ENDOD1: variants seen among roughly 807,000 people sequenced by gnomAD.
ENDOD1 encodes endonuclease domain containing 1, also known as endonuclease domain-containing 1 protein.
Under a neutral mutation model 6.5 loss-of-function variants are expected in ENDOD1, and 9 were observed. That is an observed-to-expected ratio of 1.39 (90% confidence interval 0.84 to 2.43). The LOEUF (loss-of-function observed/expected upper bound fraction) is 2.43. Among genes scored for constraint, ENDOD1 ranks in the 30% most tolerant of loss-of-function variants. The pLI, the probability that ENDOD1 is intolerant of heterozygous loss-of-function variation, is 0.00. For synonymous variants in ENDOD1, 255 were observed against 255.2 expected, an observed-to-expected ratio of 1.00 and a Z score of 0.01; for missense variants, 648 against 635.5, an observed-to-expected ratio of 1.02 and a Z score of -0.21.
intron 1 of ENDOD1, among the ~76,000 whole-genome samples, chr11:95,099,431 T>C (rs1452928434): frequency 6.6e-6 from 1 of 151,826 alleles, no homozygotes; most frequent in Non-Finnish European, 1.5e-5. Flanking sequence ...TCCCTAGGGG[T>C]GGGAAGGAGG....
chr11:95,106,721 G>A (rs1555111431), intron 1 of ENDOD1, among the ~76,000 whole-genome samples: 1 of 152,026 alleles, frequency 6.6e-6, no homozygotes, highest in Non-Finnish European at 1.5e-5. Flanking sequence ...GCGATTTGTG[G>A]ATAATTCCTC....
At chr11:95,119,973 G>A (rs1253319969) in intron 1 of ENDOD1, among the ~76,000 whole-genome samples, 2 of 152,232 alleles carry the variant, frequency 1.3e-5, no homozygotes, top group South Asian at 2.1e-4. Context: ...CTTTCAGGGA[G>A]TACTGCCAGA....
chr11:95,106,364 A>C (rs549179661), intron 1 of ENDOD1, among the ~76,000 whole-genome samples: 30 of 152,274 alleles, frequency 2.0e-4, no homozygotes, highest in Admixed American at 2.0e-3. Context: ...GCGCATTTAC[A>C]TTACAGCCAT....
chr11:95,120,242 C>T (rs1338524177), intron 1 of ENDOD1, among the ~76,000 whole-genome samples: 1 of 152,042 alleles, frequency 6.6e-6, no homozygotes, highest in Admixed American at 6.5e-5. Context: ...AAGTCTGTCC[C>T]TGTAGCCACC....
At chr11:95,125,847 T>C (rs1241818363) in intron 1 of ENDOD1, among the ~76,000 whole-genome samples, 2 of 152,206 alleles carry the variant, frequency 1.3e-5, no homozygotes, top group Admixed American at 1.3e-4. Flanking sequence ...CTATCACTGT[T>C]GGACATTTGG....
At chr11:95,100,784 C>G (rs2134163466) in intron 1 of ENDOD1, among the ~76,000 whole-genome samples, 1 of 151,348 alleles carries the variant, frequency 6.6e-6, no homozygotes, top group East Asian at 1.9e-4. Flanking sequence ...GTGTGAGCCA[C>G]CATGCCCAGC....
In ENDOD1 at chr11:95,093,827, A is replaced by G. The variant is rs61893673; in HGVS notation, c.300+3600A>G. ...AGAGCTGGAACCCTGCTCTGCAGCC[A>G]CTCCATCAGTCTTAGCTTTGGCCTT... On this transcript the variant is annotated intron_variant, in intron 1 of 1. Transcript: ENST00000278505. 7.1e-3 allele frequency among the ~76,000 whole-genome samples: 1,085 copies of G among 152,056 alleles called. 10 individuals carry two copies. The highest frequency in any genetic ancestry group is 0.012 in the Non-Finnish European group (793 of 67,962).
chr11:95,100,430 T>C lies in ENDOD1; in HGVS notation c.300+10203T>C, dbSNP rs1195729290. Among the ~76,000 whole-genome samples the C allele has an allele frequency of 3.9e-5, 6 of 152,196 alleles. No individual in the cohort carries two copies. The East Asian group carries it at 9.6e-4, about 24-fold the overall frequency. On this transcript the variant is annotated intron_variant, in intron 1 of 1. Transcript: ENST00000278505. ...TGTGTCCCTTCCCTTTCCAGCCTTA[T>C]CTGGTTTCACTCAACTTGCAGGTCT...
chr11:95,107,273 G>T (rs1251948217), intron 1 of ENDOD1, among the ~76,000 whole-genome samples: 1 of 151,426 alleles, frequency 6.6e-6, no homozygotes, highest in Non-Finnish European at 1.5e-5. Context: ...GGCGGAGCTT[G>T]CAGTGAGCAG....
At chr11:95,116,489 T>C (rs1237496569) in intron 1 of ENDOD1, among the ~76,000 whole-genome samples, 1 of 152,192 alleles carries the variant, frequency 6.6e-6, no homozygotes, top group African/African-American at 2.4e-5. Context: ...TTCAGTTTCA[T>C]TTATTTCTGC....
intron 1 of ENDOD1, among the ~76,000 whole-genome samples, chr11:95,123,188 CAA>C (rs57764199): frequency 0.081 from 10,975 of 136,142 alleles, 580 homozygotes; most frequent in African/African-American, 0.16. Context: ...GACTCCGTCT[CAA>C]AAAAAAAAAA....
At position 95,095,114 on chromosome 11, in the gene ENDOD1, A is replaced by C. The variant is rs139031208; in HGVS notation, c.300+4887A>C. Among the ~76,000 whole-genome samples the C allele has an allele frequency of 1.1e-3, 165 of 152,334 alleles. 2 individuals carry two copies. In the Middle Eastern group the frequency reaches 0.034, roughly 31 times the overall value. On this transcript the variant is annotated intron_variant, in intron 1 of 1. Coordinates refer to ENST00000278505, the MANE Select transcript of ENDOD1 (RefSeq NM_015036.3). ...GATAGGTGACATCTACAATTCTGCA[A>C]ATCTCTCCTAAAAAGTAAAATATCT...
chr11:95,103,925 T>C (rs191691622), intron 1 of ENDOD1, among the ~76,000 whole-genome samples: 55 of 152,288 alleles, frequency 3.6e-4, no homozygotes, highest in Admixed American at 2.6e-4. Context: ...CTAGGATGAG[T>C]GTAATGCTCC....
chr11:95,130,170 T>C lies in ENDOD1; in HGVS notation c.*591T>C, dbSNP rs1051365173. 6.6e-6 allele frequency: 1 copy of C among 152,270 alleles called. No homozygotes were observed. The highest frequency in any genetic ancestry group is 1.5e-5 in the Non-Finnish European group (1 of 68,052). The allele number at this position is 152,270 out of a possible 1,614,324, so 9.4% of individuals were successfully genotyped here. On this transcript the variant is annotated 3_prime_UTR_variant, in exon 2 of 2. Transcript: ENST00000278505. ...GCTTTCCGTGGTTCTCAAGGATATGTACAGTTTTCATTTTCCTCCAAAGTT... is the reference window on the plus strand; with the variant it reads ...GCTTTCCGTGGTTCTCAAGGATATGCACAGTTTTCATTTTCCTCCAAAGTT...
chr11:95,107,061 A>G (rs1555111475), intron 1 of ENDOD1, among the ~76,000 whole-genome samples: 1 of 152,098 alleles, frequency 6.6e-6, no homozygotes, highest in Non-Finnish European at 1.5e-5. Context: ...TAATTCCTTC[A>G]GAGAGTGATC....
At chr11:95,112,384 T>A (rs1388343254) in intron 1 of ENDOD1, among the ~76,000 whole-genome samples, 1 of 152,226 alleles carries the variant, frequency 6.6e-6, no homozygotes, top group Admixed American at 6.5e-5. Flanking sequence ...TTCTTCCACA[T>A]GCTTGTTTGA....
intron 1 of ENDOD1, among the ~76,000 whole-genome samples, chr11:95,106,706 C>A (rs1306811750): frequency 6.6e-6 from 1 of 152,136 alleles, no homozygotes; most frequent in Non-Finnish European, 1.5e-5. Flanking sequence ...ATTATGACAG[C>A]TCTTGCGATT....
Position 95,128,987 on chromosome 11 carries a change from C to T in ENDOD1, c.911C>T (p.Pro304Leu), listed in dbSNP as rs1426115220. The change falls in exon 2 of 2, where the codon CCC becomes CTC. Residue 304 changes from proline (P) to leucine (L), a missense_variant. By Grantham distance (98) the Pro-to-Leu change is moderately conservative (BLOSUM62 -3). Transcript: ENST00000278505. The part of the protein sequence containing the change: ...RMVQSQKSSS[P>L]LSSTRSKRST... ...GTACAATCTCAAAAGAGTTCTAGTCCCCTTTCTAGCACCAGGAGCAAGAGG... is the reference window on the plus strand; with the variant it reads ...GTACAATCTCAAAAGAGTTCTAGTCTCCTTTCTAGCACCAGGAGCAAGAGG... 1 of 1,613,938 alleles carries T rather than the reference C, an allele frequency of 6.2e-7. No individual in the cohort carries two copies. The highest frequency in any genetic ancestry group is 2.2e-5 in the East Asian group (1 of 44,882).
chr11:95,121,887 G>A (rs946205271), intron 1 of ENDOD1, among the ~76,000 whole-genome samples: 1 of 152,134 alleles, frequency 6.6e-6, no homozygotes, highest in African/African-American at 2.4e-5. Flanking sequence ...CAGTCCAGGG[G>A]GATTAGGTCA....
Sources: allele counts gnomAD v4.1 joint callset (sites outside exome capture counted in the v4.1 genomes callset), GRCh38; gene constraint gnomAD v4.1.1; transcripts MANE v1.5; gene names NCBI Gene and HGNC (gene_info 2026-07-23, HGNC 2026-07-21).